ACSL1: variants seen among roughly 807,000 people sequenced by gnomAD.
ACSL1 encodes the protein long-chain-fatty-acid--CoA ligase 1.
In ACSL1, 41 loss-of-function variants were observed where a neutral mutation model predicts 98.4. The observed-to-expected ratio is 0.42, with a 90% CI of 0.32 to 0.54. ACSL1 has a LOEUF of 0.54. Ranked by LOEUF, ACSL1 falls within the 20% of genes least tolerant of loss-of-function variation. The pLI is 0.13. For missense variants in ACSL1, 734 were observed against 883.1 expected (o/e 0.83, Z 2.14); for synonymous variants, 316 against 322.7 (o/e 0.98, Z 0.22).
At chr4:184,760,139 C>A (rs572618254) in intron 18 of ACSL1, among the ~76,000 whole-genome samples, 2 of 152,150 alleles carry the variant, frequency 1.3e-5, no homozygotes, top group African/African-American at 4.8e-5. Flanking sequence ...TCAGACCTCT[C>A]TAAGTAAAAT....
At chr4:184,791,101 T>C (rs1165808607) in intron 2 of ACSL1, among the ~76,000 whole-genome samples, 1 of 152,078 alleles carries the variant, frequency 6.6e-6, no homozygotes, top group Non-Finnish European at 1.5e-5. Context: ...CACAGGGAGG[T>C]CCTCACGATG....
chr4:184,782,116 A>G (rs1222774157), intron 4 of ACSL1, among the ~76,000 whole-genome samples: 2 of 151,866 alleles, frequency 1.3e-5, no homozygotes, highest in African/African-American at 2.4e-5. Flanking sequence ...GCTCATTACT[A>G]CTCTCTCCTT....
intron 2 of ACSL1, among the ~76,000 whole-genome samples, chr4:184,791,119 T>G (rs1768275819): frequency 6.6e-6 from 1 of 152,228 alleles, no homozygotes; most frequent in East Asian, 1.9e-4. Flanking sequence ...ATGCTCTGCT[T>G]ACAAAGGTGC....
chr4:184,798,657 G>T (rs1769883891), intron 2 of ACSL1: 1 of 152,738 alleles, frequency 6.5e-6, no homozygotes, highest in Admixed American at 6.5e-5. Flanking sequence ...GCTCCTCTCG[G>T]TCCAGCGAAA....
At chr4:184,795,941 T>A (rs1250637206) in intron 2 of ACSL1, among the ~76,000 whole-genome samples, 2 of 152,238 alleles carry the variant, frequency 1.3e-5, no homozygotes, top group African/African-American at 2.4e-5. Context: ...AGTCTCTCCA[T>A]CCCAGCTATG....
At chr4:184,761,341 G>A (rs530482076) in intron 17 of ACSL1, among the ~76,000 whole-genome samples, 2 of 152,286 alleles carry the variant, frequency 1.3e-5, no homozygotes, top group South Asian at 4.1e-4. Context: ...GTAATTTTGG[G>A]AGGTATTTTT....
chr4:184,804,613 G>T (rs1227517519), intron 1 of ACSL1, among the ~76,000 whole-genome samples: 1 of 151,202 alleles, frequency 6.6e-6, no homozygotes, highest in African/African-American at 2.4e-5. Flanking sequence ...GACCCTAGAT[G>T]CTAGAGCCAA....
At chr4:184,770,561 TA>T in intron 10 of ACSL1, 85 bp from the exon 11 acceptor site, 1 of 242,838 alleles carries the variant, frequency 4.1e-6, no homozygotes, top group South Asian at 4.0e-5. Flanking sequence ...GGTTGTGGGG[TA>T]GGGGGAGGGG....
Position 184,803,528 on chromosome 4 carries a change from T to C in ACSL1, c.-14A>G, listed in dbSNP as rs868544352. On this transcript the variant is annotated 5_prime_UTR_variant, in exon 2 of 21. Coordinates refer to ENST00000281455, the MANE Select transcript of ACSL1 (RefSeq NM_001995.5). This position sits in a 1 kb window ranked among gnomAD's most constrained non-coding sequence, Gnocchi z 4.8. ...ATGGGCTTGCATTGTCCTGTGTTGATAGTTCTCTAAGCTGAATTCTGTTGG... is the reference window on the plus strand; with the variant it reads ...ATGGGCTTGCATTGTCCTGTGTTGACAGTTCTCTAAGCTGAATTCTGTTGG... The C allele has an allele frequency of 2.0e-6, 3 of 1,508,206 alleles. No individual in the cohort carries two copies. Among genetic ancestry groups the C allele is most frequent in the Middle Eastern group, 1.8e-4 (1 of 5,608 alleles). 93.4% of individuals were successfully genotyped at this position (1,508,206 alleles called of 1,614,324 possible).
At chr4:184,770,238 C>T (rs754163173) in intron 11 of ACSL1, 161 bp downstream of exon 11, 1 of 1,537,958 alleles carries the variant, frequency 6.5e-7, no homozygotes, top group Non-Finnish European at 8.7e-7. Context: ...GGATGACAGT[C>T]CGCACGCCAC....
rs1762105848 is a variant in ACSL1, at chr4:184,756,206, AT to A, written c.*918del. The A allele has an allele frequency of 6.6e-6, 1 of 152,648 alleles. No homozygotes were observed. Among genetic ancestry groups the A allele is most frequent in the Admixed American group, 6.5e-5 (1 of 15,288 alleles). The allele number at this position is 152,648 out of a possible 1,614,324, so 9.5% of individuals were successfully genotyped here. A position where few individuals can be genotyped will look rare whatever the true frequency, so the allele number is the denominator to read the frequency against. On this transcript the variant is annotated 3_prime_UTR_variant, in exon 21 of 21. Transcript: ENST00000281455. ...TTTTGATATGAAAACCACATTAAAA[AT>A]CTGTTGGCCTTTACACAGAGTGAGT...
chr4:184,794,535 A>G (rs111537480), intron 2 of ACSL1, among the ~76,000 whole-genome samples: 15,358 of 152,240 alleles, frequency 0.1, 938 homozygotes, highest in Non-Finnish European at 0.14. Flanking sequence ...TGACACTGGC[A>G]TGCAGGAAAG....
chr4:184,797,789 C>T (rs1769704017), intron 2 of ACSL1, among the ~76,000 whole-genome samples: 1 of 152,160 alleles, frequency 6.6e-6, no homozygotes, highest in Admixed American at 6.5e-5. Context: ...GCCTGGAGCT[C>T]CCTGAGGGCA....
intron 2 of ACSL1, among the ~76,000 whole-genome samples, chr4:184,796,584 G>A (rs1284864252): frequency 6.6e-6 from 1 of 152,162 alleles, no homozygotes; most frequent in East Asian, 1.9e-4. Flanking sequence ...AACAGGCCAT[G>A]GGGAACACTG....
chr4:184,773,053 G>A lies in ACSL1; in HGVS notation c.915+28C>T, dbSNP rs377216113. The stretch of plus-strand genomic sequence containing the variant: ...TCAAGGACTAATGTCAATCAATGAG[G>A]AAAGATGACGACATCCCAAAAAGTT... On this transcript the variant is annotated intron_variant, in intron 10 of 20. Transcript: ENST00000281455. This position sits in a 1 kb window ranked among gnomAD's most constrained non-coding sequence, Gnocchi z 4.3. 287 of 1,601,270 alleles carry A rather than the reference G, an allele frequency of 1.8e-4. 1 individual carries two copies. Among genetic ancestry groups the A allele is most frequent in the South Asian group, 1.2e-3 (112 of 90,756 alleles).
In ACSL1 at chr4:184,788,587, G is replaced by A. The variant is rs963195311; in HGVS notation, c.310+30C>T. ...CGTTCTTCATGAAACACGGCGAGCG[G>A]GAGCCACGCAAATGCAGGAAAATGC... On this transcript the variant is annotated intron_variant, in intron 3 of 20. Transcript: ENST00000281455. 1.0e-5 allele frequency: 16 copies of A among 1,551,108 alleles called. No individual in the cohort carries two copies. The African/African-American group carries it at 2.0e-4, about 20-fold the overall frequency.
chr4:184,786,343 A>G (rs562870924), intron 3 of ACSL1, among the ~76,000 whole-genome samples: 2 of 152,040 alleles, frequency 1.3e-5, no homozygotes, highest in African/African-American at 4.8e-5. Context: ...GTGGTTTTCA[A>G]GTTACAGTTT....
At chr4:184,806,684 T>TA (rs1444749462) in intron 1 of ACSL1, among the ~76,000 whole-genome samples, 5 of 151,556 alleles carry the variant, frequency 3.3e-5, no homozygotes, top group Non-Finnish European at 3.0e-5. Flanking sequence ...AAAGAACACT[T>TA]TAAAAAAAAA....
rs919326022 is a variant in ACSL1, at chr4:184,757,322, A to G, written c.1957-57T>C. On this transcript the variant is annotated intron_variant, in intron 20 of 20. Coordinates refer to ENST00000281455, the MANE Select transcript of ACSL1 (RefSeq NM_001995.5). The surrounding 1 kb of genome is among the most constrained non-coding windows in gnomAD (Gnocchi z 4.5). ...AAAGGACACGGGCCACCAGTCTCAA[A>G]AGCACGTAAGCCTTGGAGGGGATCA... 6.5e-7 allele frequency: 1 copy of G among 1,550,314 alleles called. No individual in the cohort carries two copies. The highest frequency in any genetic ancestry group is 1.8e-5 in the Admixed American group (1 of 54,934).
Sources: allele counts gnomAD v4.1 joint callset (sites outside exome capture counted in the v4.1 genomes callset), GRCh38; gene constraint gnomAD v4.1.1; non-coding constraint Gnocchi (gnomAD v3.1); transcripts MANE v1.5; gene names NCBI Gene and HGNC (gene_info 2026-07-23, HGNC 2026-07-21).